FXR1: variants seen among roughly 807,000 people sequenced by gnomAD.
FXR1 encodes RNA-binding protein FXR1.
A neutral mutation model predicts 84.0 loss-of-function variants in FXR1; 15 were observed. That is an observed-to-expected ratio of 0.18 (90% CI 0.12 to 0.27). The LOEUF (loss-of-function observed/expected upper bound fraction) is 0.27, where lower values mean the gene tolerates loss of function less well. FXR1 is among the 10% of genes least tolerant of loss of function. The pLI is 1.00. For missense variants in FXR1, 480 were observed against 774.4 expected (o/e 0.62, Z 4.51); for synonymous variants, 245 against 250.7 (o/e 0.98, Z 0.21).
intron 1 of FXR1, among the ~76,000 whole-genome samples, chr3:180,923,432 CTT>C (rs1237965312): frequency 6.6e-6 from 1 of 152,086 alleles, no homozygotes. Context: ...TGGATCCTCT[CTT>C]GTTATACACA....
chr3:180,916,760 T>TAGGAAAGTTTCCATGATGTTCGA (rs945494209), intron 1 of FXR1, among the ~76,000 whole-genome samples: 3 of 152,106 alleles, frequency 2.0e-5, no homozygotes, highest in Admixed American at 6.5e-5. Context: ...TTCTGGCTCA[T>TAGGAAAGTTTCCATGATGTTCGA]AGGAAAGTTT....
chr3:180,948,350 T>C lies in FXR1; in HGVS notation c.274T>C (p.Tyr92His). Residue 92 changes from tyrosine to histidine, a missense_variant, in exon 5 of 17, where the codon TAT (tyrosine) becomes CAT (histidine). Physicochemically the swap from Tyr to His is moderately conservative, Grantham distance 83. Coordinates refer to ENST00000357559, the MANE Select transcript of FXR1 (RefSeq NM_005087.4). Reference sequence around the variant, plus strand: ...AAAGTATTTTGATGTCTTTTAGTTTTATGTCATTGAATATGCTGCTTGTGA... The same window carrying C: ...AAAGTATTTTGATGTCTTTTAGTTTCATGTCATTGAATATGCTGCTTGTGA... ...AKVRMMKGEF[Y>H]VIEYAACDAT... 2 of 1,590,998 alleles carry C rather than the reference T, an allele frequency of 1.3e-6. No homozygotes were observed. The highest frequency in any genetic ancestry group is 1.7e-6 in the Non-Finnish European group (2 of 1,163,692).
At chr3:180,966,059 A>G (rs1712785592) in intron 13 of FXR1, among the ~76,000 whole-genome samples, 1 of 152,176 alleles carries the variant, frequency 6.6e-6, no homozygotes, top group African/African-American at 2.4e-5. Flanking sequence ...TTGTAAATAA[A>G]TTCAGAAGTT....
chr3:180,936,124 T>C (rs1334695420), intron 3 of FXR1, among the ~76,000 whole-genome samples: 1 of 152,034 alleles, frequency 6.6e-6, no homozygotes, highest in Non-Finnish European at 1.5e-5. Flanking sequence ...ACTCCTGACC[T>C]CAGGTGATCT....
At chr3:180,939,258 G>A (rs953617443) in intron 3 of FXR1, among the ~76,000 whole-genome samples, 4 of 152,102 alleles carry the variant, frequency 2.6e-5, no homozygotes, top group Admixed American at 6.6e-5. Context: ...CCTTATACCG[G>A]TGGGGGGGTG....
chr3:180,967,791 T>G (rs548015688), intron 13 of FXR1, among the ~76,000 whole-genome samples: 1 of 152,298 alleles, frequency 6.6e-6, no homozygotes, highest in South Asian at 2.1e-4. Context: ...TCTGCTGGTT[T>G]TGAAGAAGTG....
At chr3:180,965,579 G>A (rs1337229888) in intron 13 of FXR1, among the ~76,000 whole-genome samples, 2 of 152,126 alleles carry the variant, frequency 1.3e-5, no homozygotes, top group African/African-American at 4.8e-5. Context: ...AAGTCTAGCG[G>A]GGATTCCCCT....
At chr3:180,970,816 C>T (rs942655967) in intron 15 of FXR1, among the ~76,000 whole-genome samples, 2 of 152,144 alleles carry the variant, frequency 1.3e-5, no homozygotes, top group East Asian at 3.9e-4. Context: ...AGACTGTGTC[C>T]CTGAATGATG....
At chr3:180,921,704 G>A (rs967059970) in intron 1 of FXR1, among the ~76,000 whole-genome samples, 5 of 152,118 alleles carry the variant, frequency 3.3e-5, no homozygotes, top group Non-Finnish European at 2.9e-5. Flanking sequence ...ATGCACATAC[G>A]TGCTGTATGG....
chr3:180,946,827 G>C (rs1235095827), intron 3 of FXR1, among the ~76,000 whole-genome samples: 6 of 152,138 alleles, frequency 3.9e-5, no homozygotes. Flanking sequence ...AGGTTTCCCT[G>C]ATGATCTCTG....
chr3:180,917,539 CAAAAT>C lies in FXR1; in HGVS notation c.51+4807_51+4811del, dbSNP rs1010500553. 7.2e-5 allele frequency among the ~76,000 whole-genome samples: 11 copies of C among 152,180 alleles called. No individual in the cohort carries two copies. The East Asian group carries it at 7.7e-4, about 11-fold the overall frequency. ...AAGTAATGAAGATTTAACTGGATGT[CAAAAT>C]AAATGATCACAACAGCTTTTATTTT... On this transcript the variant is annotated intron_variant, in intron 1 of 16. Coordinates refer to ENST00000357559, the MANE Select transcript of FXR1 (RefSeq NM_005087.4).
Position 180,980,307 on chromosome 3 carries a change from A to C in FXR1, c.*4015A>C, listed in dbSNP as rs1577019812. On this transcript the variant is annotated 3_prime_UTR_variant, in exon 17 of 17. Coordinates refer to ENST00000357559, the MANE Select transcript of FXR1 (RefSeq NM_005087.4). ...AAACAAGGACAAAGTAATTTTTCAC[A>C]AGTCTTACAGCCCCACTATTAAGTA... 2 of 152,038 alleles carry C rather than the reference A, an allele frequency of 1.3e-5. No homozygotes were observed. The highest frequency in any genetic ancestry group is 4.8e-5 in the African/African-American group (2 of 41,412). 9.4% of individuals were successfully genotyped at this position (152,038 alleles called of 1,614,324 possible). A position where few individuals can be genotyped will look rare whatever the true frequency, so the allele number is the denominator to read the frequency against.
intron 13 of FXR1, 38 bp downstream of exon 13, chr3:180,963,128 T>C (rs1045706626): frequency 7.5e-6 from 6 of 796,972 alleles, no homozygotes; most frequent in Admixed American, 6.6e-5. Context: ...TTGGTAATAG[T>C]AATAATAGTA....
chr3:180,934,687 T>G (rs1393816774), intron 2 of FXR1, among the ~76,000 whole-genome samples: 1 of 152,220 alleles, frequency 6.6e-6, no homozygotes, highest in Non-Finnish European at 1.5e-5. Context: ...CAGTTTATAT[T>G]GTTTTGTAAT....
chr3:180,943,435 T>C (rs1165635635), intron 3 of FXR1, among the ~76,000 whole-genome samples: 1 of 151,412 alleles, frequency 6.6e-6, no homozygotes, highest in African/African-American at 2.4e-5. Flanking sequence ...CCCAGCTAAT[T>C]TTTGTACTTT....
intron 3 of FXR1, among the ~76,000 whole-genome samples, chr3:180,941,648 T>C (rs1369857434): frequency 6.6e-6 from 1 of 152,204 alleles, no homozygotes. Context: ...GTCTTACTGC[T>C]TGGGAAACGC....
At chr3:180,939,753 G>A (rs1460144778) in intron 3 of FXR1, among the ~76,000 whole-genome samples, 1 of 152,210 alleles carries the variant, frequency 6.6e-6, no homozygotes, top group Non-Finnish European at 1.5e-5. Flanking sequence ...AATGTATTCA[G>A]AGGGTTTGGT....
At chr3:180,952,058 T>C (rs1348828281) in intron 8 of FXR1, among the ~76,000 whole-genome samples, 2 of 152,162 alleles carry the variant, frequency 1.3e-5, no homozygotes, top group African/African-American at 4.8e-5. Context: ...TATATATACA[T>C]ACACATGCAT....
At chr3:180,971,072 C>T (rs1713508154) in intron 15 of FXR1, 2 of 1,203,112 alleles carry the variant, frequency 1.7e-6, no homozygotes, top group South Asian at 1.4e-5. Flanking sequence ...TTTGCAATTA[C>T]AGATGATAGT....
Sources: gnomAD v4.1 joint callset for allele counts (sites outside exome capture counted in the v4.1 genomes callset) on GRCh38, gnomAD v4.1.1 for gene constraint, MANE v1.5 for transcripts, NCBI Gene and HGNC (gene_info 2026-07-23, HGNC 2026-07-21) for gene names.